FARS2: variants seen among roughly 807,000 people sequenced by gnomAD.
FARS2 encodes the protein phenylalanyl-tRNA synthetase 2, mitochondrial, also known as phenylalanine--tRNA ligase, mitochondrial.
In FARS2, 40 loss-of-function variants were observed where a neutral mutation model predicts 46.4. That is an observed-to-expected ratio of 0.86 (90% CI 0.67 to 1.12). The LOEUF is 1.12. Ranked by LOEUF, FARS2 falls within the 50% of genes most tolerant of loss-of-function variation. FARS2 has a pLI of 0.00. For missense variants in FARS2, 513 were observed against 567.9 expected, an observed-to-expected ratio of 0.90 and a Z score of 0.98; for synonymous variants, 234 against 214.9, an observed-to-expected ratio of 1.09 and a Z score of -0.78.
intron 4 of FARS2, among the ~76,000 whole-genome samples, chr6:5,528,315 T>C (rs73719630): frequency 6.6e-6 from 1 of 152,104 alleles, no homozygotes; most frequent in African/African-American, 2.4e-5. Context: ...CAGGTACATA[T>C]ATGTCATTGT....
chr6:5,560,251 T>C (rs538134581), intron 5 of FARS2, among the ~76,000 whole-genome samples: 10 of 152,290 alleles, frequency 6.6e-5, no homozygotes, highest in South Asian at 2.1e-4. Context: ...TCCTTCTACT[T>C]TGAGTTTGCT....
chr6:5,611,407 G>A (rs1354720803), intron 5 of FARS2, among the ~76,000 whole-genome samples: 2 of 152,116 alleles, frequency 1.3e-5, no homozygotes, highest in East Asian at 3.9e-4. Context: ...GGGAGCCACA[G>A]GATGGTTTTT....
intron 6 of FARS2, among the ~76,000 whole-genome samples, chr6:5,626,045 A>T (rs1381357563): frequency 6.6e-6 from 1 of 152,100 alleles, no homozygotes; most frequent in Non-Finnish European, 1.5e-5. Context: ...AGAGCCAGGG[A>T]AGGTGTTATC....
intron 1 of FARS2, among the ~76,000 whole-genome samples, chr6:5,301,514 T>G (rs1313176728): frequency 2.0e-5 from 3 of 152,130 alleles, no homozygotes; most frequent in African/African-American, 7.2e-5. Flanking sequence ...TAGCCCACTG[T>G]TTTGCAGAAG....
chr6:5,576,276 A>T (rs1179000829), intron 5 of FARS2, among the ~76,000 whole-genome samples: 1 of 152,134 alleles, frequency 6.6e-6, no homozygotes, highest in Non-Finnish European at 1.5e-5. Flanking sequence ...GGAAAGGCAG[A>T]TCCACCCTTA....
At chr6:5,724,194 G>A (rs1561822239) in intron 6 of FARS2, among the ~76,000 whole-genome samples, 1 of 152,238 alleles carries the variant, frequency 6.6e-6, no homozygotes, top group Non-Finnish European at 1.5e-5. Flanking sequence ...AGGAAGGGTT[G>A]GCACAGGGCT....
Position 5,636,958 on chromosome 6 carries a change from C to T in FARS2, c.1217+23638C>T, listed in dbSNP as rs149064950. ...TGCCCCAGGGCCTCACAGGGAGAAA[C>T]GCCACTGCAGGCACCAGATGGCAAG... On this transcript the variant is annotated intron_variant, in intron 6 of 6. Coordinates refer to ENST00000274680, the MANE Select transcript of FARS2 (RefSeq NM_006567.5). Among the ~76,000 whole-genome samples the T allele has an allele frequency of 5.9e-5, 9 of 152,358 alleles. No homozygotes were observed. The East Asian group carries it at 9.6e-4, about 16-fold the overall frequency.
At chr6:5,397,156 G>T (rs1488528759) in intron 2 of FARS2, among the ~76,000 whole-genome samples, 1 of 152,110 alleles carries the variant, frequency 6.6e-6, no homozygotes, top group Non-Finnish European at 1.5e-5. Context: ...AAGACATGGG[G>T]GAAATGTACA....
chr6:5,397,767 A>G (rs1379361095), intron 2 of FARS2, among the ~76,000 whole-genome samples: 1 of 151,922 alleles, frequency 6.6e-6, no homozygotes, highest in African/African-American at 2.4e-5. Flanking sequence ...TCACGTGTCC[A>G]TCTCCTTTAT....
intron 3 of FARS2, among the ~76,000 whole-genome samples, chr6:5,412,540 G>A (rs561330956): frequency 6.6e-5 from 10 of 152,208 alleles, no homozygotes; most frequent in Non-Finnish European, 1.5e-4. Context: ...TGTGAGTGAT[G>A]TCCTGGTCAG....
intron 6 of FARS2, among the ~76,000 whole-genome samples, chr6:5,739,612 G>A (rs1401584451): frequency 6.6e-6 from 1 of 152,260 alleles, no homozygotes; most frequent in African/African-American, 2.4e-5. Context: ...CAAGACAGAT[G>A]TATGTTTCTC....
At chr6:5,464,493 G>C (rs995484770) in intron 4 of FARS2, among the ~76,000 whole-genome samples, 2 of 152,172 alleles carry the variant, frequency 1.3e-5, no homozygotes. Context: ...CCCGAGTCAG[G>C]CCTTGCTGAA....
At chr6:5,485,429 T>C (rs1164156100) in intron 4 of FARS2, among the ~76,000 whole-genome samples, 1 of 150,994 alleles carries the variant, frequency 6.6e-6, no homozygotes, top group Non-Finnish European at 1.5e-5. Context: ...TAATGGGAAA[T>C]AGGAAACTTC....
chr6:5,299,639 C>T (rs955134084), intron 1 of FARS2, among the ~76,000 whole-genome samples: 1 of 152,206 alleles, frequency 6.6e-6, no homozygotes, highest in African/African-American at 2.4e-5. Flanking sequence ...CACTCATCAA[C>T]TCGTCATTTA....
chr6:5,634,078 A>G (rs1404441536), intron 6 of FARS2, among the ~76,000 whole-genome samples: 1 of 152,186 alleles, frequency 6.6e-6, no homozygotes, highest in African/African-American at 2.4e-5. Flanking sequence ...CTTATCCATC[A>G]AAAGATTATA....
At chr6:5,269,602 C>T (rs184542389) in intron 1 of FARS2, among the ~76,000 whole-genome samples, 4 of 152,112 alleles carry the variant, frequency 2.6e-5, no homozygotes, top group East Asian at 3.9e-4. Context: ...GTGTATTAGC[C>T]GCCATCTCTT....
chr6:5,507,580 A>C (rs1338045841), intron 4 of FARS2, among the ~76,000 whole-genome samples: 1 of 152,236 alleles, frequency 6.6e-6, no homozygotes, highest in Non-Finnish European at 1.5e-5. Context: ...GCAGGGGCTC[A>C]TGATGGCTTT....
At chr6:5,667,315 C>T (rs965910705) in intron 6 of FARS2, among the ~76,000 whole-genome samples, 8 of 152,064 alleles carry the variant, frequency 5.3e-5, no homozygotes, top group Non-Finnish European at 7.4e-5. Flanking sequence ...GTCAGGAGTT[C>T]GAGACCAGCC....
Position 5,770,590 on chromosome 6 carries a change from G to T in FARS2, c.1218-701G>T, listed in dbSNP as rs550588899. 4.5e-3 allele frequency among the ~76,000 whole-genome samples: 685 copies of T among 152,280 alleles called. 7 individuals carry two copies. Among genetic ancestry groups the T allele is most frequent in the African/African-American group, 0.016 (649 of 41,570 alleles). Reference sequence around the variant, plus strand: ...AGGCCTGCCAGTTCATGGCCCAGGGGTCTTTCTCATGAGATCAACTGACCA... The same window carrying T: ...AGGCCTGCCAGTTCATGGCCCAGGGTTCTTTCTCATGAGATCAACTGACCA... On this transcript the variant is annotated intron_variant, in intron 6 of 6. Transcript: ENST00000274680.
Sources: gnomAD v4.1 joint callset for allele counts (sites outside exome capture counted in the v4.1 genomes callset) on GRCh38, gnomAD v4.1.1 for gene constraint, MANE v1.5 for transcripts, NCBI Gene and HGNC (gene_info 2026-07-23, HGNC 2026-07-21) for gene names.